The following ABHD17C variants were observed in gnomAD, a reference collection of about 807,000 sequenced individuals.
The protein encoded by ABHD17C is abhydrolase domain containing 17C, depalmitoylase.
A neutral mutation model predicts 27.9 loss-of-function variants in ABHD17C; 11 were observed. The ratio of observed to expected loss-of-function variants is 0.39; its 90% CI spans 0.25 to 0.65. The LOEUF (loss-of-function observed/expected upper bound fraction) is 0.65, where lower values mean the gene tolerates loss of function less well. Among genes scored for constraint, ABHD17C ranks in the 30% least tolerant of loss-of-function variants. ABHD17C has a pLI of 0.45. For synonymous variants in ABHD17C, 233 were observed against 209.1 expected, an observed-to-expected ratio of 1.11 and a Z score of -0.98; for missense variants, 280 against 470.2, an observed-to-expected ratio of 0.60 and a Z score of 3.74.
intron 1 of ABHD17C, chr15:80,702,792 A>G (rs919702569): frequency 1.1e-4 from 17 of 152,320 alleles, no homozygotes; most frequent in African/African-American, 3.4e-4. Context: ...GAGTCTCAAC[A>G]TATACAGTTA....
At chr15:80,719,985 A>C (rs1894869606) in intron 1 of ABHD17C, among the ~76,000 whole-genome samples, 1 of 152,114 alleles carries the variant, frequency 6.6e-6, no homozygotes, top group Non-Finnish European at 1.5e-5. Context: ...TTCTTTGTTG[A>C]GGTGGGGTTT....
chr15:80,698,156 C>A (rs553363559), intron 1 of ABHD17C, among the ~76,000 whole-genome samples: 35 of 151,494 alleles, frequency 2.3e-4, no homozygotes, highest in African/African-American at 8.5e-4. Context: ...GCTCCACCTC[C>A]CGGGTTCACG....
chr15:80,705,367 G>GTGTGTGT (rs57722326), intron 1 of ABHD17C, among the ~76,000 whole-genome samples: 6 of 150,140 alleles, frequency 4.0e-5, no homozygotes, highest in South Asian at 2.1e-4. Flanking sequence ...GTGTGTGTGT[G>GTGTGTGT]GTTAGGAGCA....
intron 1 of ABHD17C, among the ~76,000 whole-genome samples, chr15:80,734,133 C>T (rs988014208): frequency 6.6e-6 from 1 of 152,086 alleles, no homozygotes; most frequent in Non-Finnish European, 1.5e-5. Context: ...TACAGATGTG[C>T]ACCACCATGC....
intron 1 of ABHD17C, among the ~76,000 whole-genome samples, chr15:80,726,767 C>T (rs377653132): frequency 2.6e-4 from 39 of 152,152 alleles, no homozygotes; most frequent in Middle Eastern, 3.4e-3. Context: ...CCTTGTGATC[C>T]GCCCGCCTCA....
Position 80,695,515 on chromosome 15 carries a change from T to C in ABHD17C, c.86T>C (p.Ile29Thr). The part of the protein sequence containing the change: ...LFCCPPCPSR[I>T]AAKLAFLPPE... The stretch of plus-strand genomic sequence containing the variant: ...TGCTGCCCGCCCTGCCCGAGCCGCA[T>C]CGCCGCCAAGCTGGCCTTCCTGCCG... The change falls in exon 1 of 3, where the codon ATC becomes ACC. Residue 29 changes from isoleucine (I) to threonine (T), a missense_variant. Ile to Thr is a moderately conservative substitution (Grantham distance 89, BLOSUM62 -1). Around this residue, in one of 2 missense-constraint regions of ABHD17C, gnomAD observed 74 missense variants for 75.5 expected, o/e 0.98. Coordinates refer to ENST00000258884, the MANE Select transcript of ABHD17C (RefSeq NM_021214.2). This position sits in a 1 kb window ranked among gnomAD's most constrained non-coding sequence, Gnocchi z 4.3. 2 of 1,379,838 alleles carry C rather than the reference T, an allele frequency of 1.4e-6. No individual in the cohort carries two copies. The highest frequency in any genetic ancestry group is 1.9e-6 in the Non-Finnish European group (2 of 1,055,058). 85.5% of individuals were successfully genotyped at this position (1,379,838 alleles called of 1,614,324 possible).
chr15:80,740,212 C>G (rs969981203), intron 1 of ABHD17C, among the ~76,000 whole-genome samples: 12 of 152,088 alleles, frequency 7.9e-5, no homozygotes, highest in Non-Finnish European at 1.2e-4. Context: ...CTTCCACTTG[C>G]AACAGGACAC....
At position 80,732,763 on chromosome 15, in the gene ABHD17C, C is replaced by T. The variant is rs561467464; in HGVS notation, c.591-16750C>T. ...CAGCGGAAAGTGTCTGTTTAACACA[C>T]TTCCATTTTGAATGTTTGCAAAACA... On this transcript the variant is annotated intron_variant, in intron 1 of 2. Coordinates refer to ENST00000258884, the MANE Select transcript of ABHD17C (RefSeq NM_021214.2). 3.9e-5 allele frequency among the ~76,000 whole-genome samples: 6 copies of T among 152,220 alleles called. No individual in the cohort carries two copies. The South Asian group carries it at 1.2e-3, about 32-fold the overall frequency.
At chr15:80,739,858 C>CTGTCT (rs1895183611) in intron 1 of ABHD17C, among the ~76,000 whole-genome samples, 1 of 66,878 alleles carries the variant, frequency 1.5e-5, no homozygotes, top group African/African-American at 4.8e-5. Context: ...AGGTGGGCTG[C>CTGTCT]TGAGTTCTCC....
intron 1 of ABHD17C, among the ~76,000 whole-genome samples, chr15:80,746,946 T>C (rs1449255027): frequency 6.6e-6 from 1 of 152,242 alleles, no homozygotes; most frequent in Non-Finnish European, 1.5e-5. Flanking sequence ...GACCAGATTT[T>C]ATCAAAGAAG....
intron 1 of ABHD17C, among the ~76,000 whole-genome samples, chr15:80,705,291 C>T (rs909703877): frequency 7.1e-6 from 1 of 140,532 alleles, no homozygotes; most frequent in African/African-American, 2.6e-5. Flanking sequence ...TCAAGGGTAA[C>T]CTGGGGAGAA....
intron 1 of ABHD17C, among the ~76,000 whole-genome samples, chr15:80,740,160 T>C (rs1047175370): frequency 2.0e-4 from 31 of 152,178 alleles, no homozygotes; most frequent in African/African-American, 7.0e-4. Flanking sequence ...TGTGGTAGAC[T>C]TGACCTCATT....
intron 1 of ABHD17C, among the ~76,000 whole-genome samples, chr15:80,733,409 A>G (rs942512720): frequency 1.3e-5 from 2 of 152,106 alleles, no homozygotes; most frequent in Non-Finnish European, 2.9e-5. Flanking sequence ...GGGTGCTGAC[A>G]TCCTGGGGAG....
chr15:80,738,723 G>A lies in ABHD17C; in HGVS notation c.591-10790G>A, dbSNP rs552284108. 4.6e-5 allele frequency among the ~76,000 whole-genome samples: 7 copies of A among 152,232 alleles called. No individual in the cohort carries two copies. The East Asian group carries it at 7.7e-4, about 17-fold the overall frequency. ...AAAGATTGGGGAACGAATATGAAGTGTCAAGTTTGGGAGATGTTACATGTG... is the reference window on the plus strand; with the variant it reads ...AAAGATTGGGGAACGAATATGAAGTATCAAGTTTGGGAGATGTTACATGTG... On this transcript the variant is annotated intron_variant, in intron 1 of 2. Coordinates refer to ENST00000258884, the MANE Select transcript of ABHD17C (RefSeq NM_021214.2).
intron 1 of ABHD17C, among the ~76,000 whole-genome samples, chr15:80,743,270 A>T (rs1895234343): frequency 6.6e-6 from 1 of 152,058 alleles, no homozygotes. Context: ...TGGGCAGGGG[A>T]AGGAGAATGG....
chr15:80,724,267 G>T (rs1419792461), intron 1 of ABHD17C, among the ~76,000 whole-genome samples: 1 of 152,126 alleles, frequency 6.6e-6, no homozygotes, highest in Non-Finnish European at 1.5e-5. Flanking sequence ...GGTTGAGGCT[G>T]CAGTGAGCTG....
chr15:80,729,287 T>G (rs944322579), intron 1 of ABHD17C, among the ~76,000 whole-genome samples: 1 of 152,194 alleles, frequency 6.6e-6, no homozygotes, highest in Non-Finnish European at 1.5e-5. Flanking sequence ...TATGTAATAC[T>G]CAACTCAAAT....
At chr15:80,728,519 T>G (rs1895014029) in intron 1 of ABHD17C, among the ~76,000 whole-genome samples, 1 of 152,126 alleles carries the variant, frequency 6.6e-6, no homozygotes, top group Admixed American at 6.5e-5. Context: ...TCCCCTCACT[T>G]GATAGATAGG....
At chr15:80,749,744 T>C in intron 2 of ABHD17C, 52 bp downstream of exon 2, 1 of 1,549,988 alleles carries the variant, frequency 6.5e-7, no homozygotes, top group Non-Finnish European at 8.9e-7. Flanking sequence ...ACTGTGTTTA[T>C]ATCTGATGCT....
Sources: gnomAD v4.1 joint callset for allele counts (sites outside exome capture counted in the v4.1 genomes callset) on GRCh38, gnomAD v4.1.1 for gene constraint, gnomAD v4.1.1 regional missense constraint, Gnocchi (gnomAD v3.1) non-coding constraint, MANE v1.5 for transcripts, NCBI Gene and HGNC (gene_info 2026-07-23, HGNC 2026-07-21) for gene names.